Variants in SNRNP200 observed in about 807,000 individuals in gnomAD.
The protein encoded by SNRNP200 is U5 small nuclear ribonucleoprotein 200 kDa helicase.
SNRNP200 carries 66 observed loss-of-function variants against 255.2 expected under a neutral mutation model. The observed-to-expected ratio is 0.26, with a 90% CI of 0.21 to 0.32. SNRNP200 has a LOEUF of 0.32. SNRNP200 is among the 10% of genes least tolerant of loss of function. SNRNP200 has a pLI of 1.00. For missense variants in SNRNP200, 1,585 were observed against 2,749.8 expected (o/e 0.58, Z 9.47); for synonymous variants, 939 against 1,027.8 (o/e 0.91, Z 1.65).
rs773529003 is a variant in SNRNP200, at chr2:96,277,876, C to T, written c.5685G>A (p.Leu1895=). ...GCTGCATGCGAGACAAGTGAGCCTG[C>T]AGGAGCAGGTTGGTCTTGACGTGCG... ...NDPHVKTNLL[L]QAHLSRMQLS... The change falls in exon 40 of 45, where the codon CTG becomes CTA. Residue 1895 remains leucine (L), a synonymous_variant. Transcript: ENST00000323853. This position sits in a 1 kb window ranked among gnomAD's most constrained non-coding sequence, Gnocchi z 4.4. 1.2e-6 allele frequency: 2 copies of T among 1,614,240 alleles called. No individual in the cohort carries two copies. Among genetic ancestry groups the T allele is most frequent in the South Asian group, 2.2e-5 (2 of 91,090 alleles).
intron 2 of SNRNP200, 27 bp downstream of exon 2, chr2:96,304,677 GA>G (rs1368122075): frequency 6.2e-7 from 1 of 1,613,834 alleles, no homozygotes; most frequent in South Asian, 1.1e-5. Flanking sequence ...GGATCTGAAG[GA>G]AAAAATAGTA....
In SNRNP200 at chr2:96,297,072, TAGA is replaced by T. The variant is rs1282604312; in HGVS notation, c.1378-5_1378-3del. 1 of 1,614,192 alleles carries T rather than the reference TAGA, an allele frequency of 6.2e-7. No individual in the cohort carries two copies. On this transcript the variant is annotated splice_region_variant and splice_polypyrimidine_tract_variant and intron_variant, in intron 11 of 44. Transcript: ENST00000323853. ...CAGCTTTTCCACTGGAAGCAGTTGC[TAGA>T]AGAAAAGAAGTGCCATCAATATCAT...
chr2:96,282,015 CTA>C (rs1422640858), intron 34 of SNRNP200, 93 bp from the exon 35 acceptor site: 3 of 936,864 alleles, frequency 3.2e-6, no homozygotes, highest in East Asian at 2.6e-5. Flanking sequence ...TTACCCTGTG[CTA>C]TGTTTCAGAA....
Position 96,299,371 on chromosome 2 carries a change from C to T in SNRNP200, c.687G>A (p.Met229Ile). 2 of 1,614,146 alleles carry T rather than the reference C, an allele frequency of 1.2e-6. No homozygotes were observed. Among genetic ancestry groups the T allele is most frequent in the Non-Finnish European group, 1.7e-6 (2 of 1,180,042 alleles). Residue 229 changes from methionine (M) to isoleucine (I), a missense_variant, in exon 6 of 45, where the codon ATG becomes ATA. Met to Ile is a conservative substitution (Grantham distance 10). This residue lies in a region of SNRNP200 where 383 missense variants were observed against 645.3 expected (regional missense o/e 0.59). Coordinates refer to ENST00000323853, the MANE Select transcript of SNRNP200 (RefSeq NM_014014.5). ...AGCGCACGACAGCCTCGTCCCCTTC[C>T]ATGTCATCATCAGATGCCTCTTCTC... ...EVREEASDDDMEGDEAVVRCT... is the reference protein window; with the variant it reads ...EVREEASDDDIEGDEAVVRCT...
rs1318726396 is a variant in SNRNP200, at chr2:96,289,264, G to A, written c.3056C>T (p.Ser1019Leu). 3 of 1,614,228 alleles carry A rather than the reference G, an allele frequency of 1.9e-6. No homozygotes were observed. Among genetic ancestry groups the A allele is most frequent in the South Asian group, 1.1e-5 (1 of 91,082 alleles). ...GATGTTCTTGAACTCAGAGGACAATGAGAAGACCCTGAAAAGCTCAATCTC... is the reference window on the plus strand; with the variant it reads ...GATGTTCTTGAACTCAGAGGACAATAAGAAGACCCTGAAAAGCTCAATCTC... ...LSEIELFRVFSLSSEFKNITV... is the reference protein window; with the variant it reads ...LSEIELFRVFLLSSEFKNITV... The change falls in exon 22 of 45, where the codon TCA (serine) becomes TTA (leucine). Residue 1019 changes from serine to leucine, a missense_variant. Physicochemically the swap from Ser to Leu is moderately radical, Grantham distance 145. Transcript: ENST00000323853.
At position 96,290,226 on chromosome 2, in the gene SNRNP200, T is replaced by G; in HGVS notation, c.2742+100A>C. On this transcript the variant is annotated intron_variant, in intron 20 of 44. Coordinates refer to ENST00000323853, the MANE Select transcript of SNRNP200 (RefSeq NM_014014.5). The surrounding 1 kb of genome is among the most constrained non-coding windows in gnomAD (Gnocchi z 4.5). ...GATGTGGGTGCAGGGATGGAAGGCC[T>G]CGGACGCTGCTGGCCCGCAGCACAA... The G allele has an allele frequency of 7.5e-7, 1 of 1,337,090 alleles. No homozygotes were observed. The highest frequency in any genetic ancestry group is 1.7e-5 in the Admixed American group (1 of 59,666). 82.8% of individuals were successfully genotyped at this position (1,337,090 alleles called of 1,614,324 possible). A position where few individuals can be genotyped will look rare whatever the true frequency, so the allele number is the denominator to read the frequency against.
chr2:96,276,799 C>G, intron 43 of SNRNP200, 105 bp downstream of exon 43: 1 of 1,000,762 alleles, frequency 1.0e-6, no homozygotes, highest in Non-Finnish European at 1.6e-6. Flanking sequence ...AGCTGATTAT[C>G]AGTCTAAAGT....
In SNRNP200 at chr2:96,297,622, C is replaced by T. The variant is rs199944248; in HGVS notation, c.1203+15G>A. 8 of 1,614,214 alleles carry T rather than the reference C, an allele frequency of 5.0e-6. No homozygotes were observed. The highest frequency in any genetic ancestry group is 1.3e-5 in the African/African-American group (1 of 75,058). ...ATCCATCAAGGCCTGGGAAATAAAT[C>T]GCCCTGGATCCTACCTCTCCACCCT... On this transcript the variant is annotated intron_variant, in intron 10 of 44. Transcript: ENST00000323853.
chr2:96,294,232 G>A (rs760370176), intron 14 of SNRNP200, among the ~76,000 whole-genome samples: 1 of 151,370 alleles, frequency 6.6e-6, no homozygotes, highest in African/African-American at 2.4e-5. Context: ...CCAGGAGTTC[G>A]AGACCAGCCT....
chr2:96,278,275 T>C lies in SNRNP200; in HGVS notation c.5572A>G (p.Ile1858Val), dbSNP rs1684702754. 1 of 1,614,206 alleles carries C rather than the reference T, an allele frequency of 6.2e-7. No individual in the cohort carries two copies. Among genetic ancestry groups the C allele is most frequent in the African/African-American group, 1.3e-5 (1 of 75,048 alleles). The change falls in exon 39 of 45, where the codon ATT (isoleucine) becomes GTT (valine). Residue 1858 changes from isoleucine to valine, a missense_variant. By Grantham distance (29) the Ile-to-Val change is conservative. Transcript: ENST00000323853. This position sits in a 1 kb window ranked among gnomAD's most constrained non-coding sequence, Gnocchi z 6.9. Reference protein sequence around the residue: ...IISNAAEYENIPIRHHEDNLL... With the variant: ...IISNAAEYENVPIRHHEDNLL... ...TTGTCTTCATGGTGCCGGATGGGAA[T>C]GTTCTCATACTCTGCTGCATTGGAG...
Position 96,277,615 on chromosome 2 carries a change from G to C in SNRNP200, c.5855C>G (p.Ala1952Gly). 1 of 1,614,078 alleles carries C rather than the reference G, an allele frequency of 6.2e-7. No individual in the cohort carries two copies. The highest frequency in any genetic ancestry group is 1.1e-5 in the South Asian group (1 of 91,082). ...AMELAQMVTQ[A>G]MWSKDSYLKQ... ...CAGGTATGAGTCCTTGGACCACATG[G>C]CTTGGGTGACCATCTGGGCCAGTTC... Residue 1952 changes from alanine (A) to glycine (G), a missense_variant, in exon 41 of 45, where the codon GCC becomes GGC. Physicochemically the swap from Ala to Gly is moderately conservative, Grantham distance 60 (BLOSUM62 0). Around this residue, in one of 9 missense-constraint regions of SNRNP200, gnomAD observed 279 missense variants for 551.2 expected, o/e 0.51. Coordinates refer to ENST00000323853, the MANE Select transcript of SNRNP200 (RefSeq NM_014014.5). The surrounding 1 kb of genome is among the most constrained non-coding windows in gnomAD (Gnocchi z 4.4).
rs1323243822 is a variant in SNRNP200, at chr2:96,284,568, G to A, written c.4182C>T (p.Tyr1394=). 2.5e-6 allele frequency: 4 copies of A among 1,613,806 alleles called. No individual in the cohort carries two copies. The highest frequency in any genetic ancestry group is 2.2e-5 in the East Asian group (1 of 44,872). The change falls in exon 31 of 45, where the codon TAC becomes TAT. Residue 1394 remains tyrosine (Y), a synonymous_variant. Transcript: ENST00000323853. ...TGTTGAGCCTGTCCTGGAACTTCTC[G>A]TACCAGTCCATGTATACCTGGCGGG... ...ALAEQVYMDW[Y]EKFQDRLNKK... is the part of the protein sequence containing the mutation.
chr2:96,289,265 A>G lies in SNRNP200; in HGVS notation c.3055T>C (p.Ser1019Pro). ...ATGTTCTTGAACTCAGAGGACAATG[A>G]GAAGACCCTGAAAAGCTCAATCTCA... Reference protein sequence around the residue: ...LSEIELFRVFSLSSEFKNITV... With the variant: ...LSEIELFRVFPLSSEFKNITV... Residue 1019 changes from serine to proline, a missense_variant, in exon 22 of 45, where the codon TCA becomes CCA. Around this residue, in one of 9 missense-constraint regions of SNRNP200, gnomAD observed 719 missense variants for 1,091.1 expected, o/e 0.66. Coordinates refer to ENST00000323853, the MANE Select transcript of SNRNP200 (RefSeq NM_014014.5). 1 of 1,614,236 alleles carries G rather than the reference A, an allele frequency of 6.2e-7. No homozygotes were observed. The highest frequency in any genetic ancestry group is 8.5e-7 in the Non-Finnish European group (1 of 1,180,040).
rs758081322 is a variant in SNRNP200 at position 96,304,881 on chromosome 2, A to G, written c.46-13T>C. On this transcript the variant is annotated splice_polypyrimidine_tract_variant and intron_variant, in intron 1 of 44. Coordinates refer to ENST00000323853, the MANE Select transcript of SNRNP200 (RefSeq NM_014014.5). The stretch of plus-strand genomic sequence containing the variant: ...CAAGATTCGAGTTCTGAAAAGATCA[A>G]AACATTATTGAAGCTTTGACATGAG... 2 of 1,613,570 alleles carry G rather than the reference A, an allele frequency of 1.2e-6. No individual in the cohort carries two copies. Among genetic ancestry groups the G allele is most frequent in the Non-Finnish European group, 1.7e-6 (2 of 1,179,714 alleles).
At chr2:96,300,766 A>C (rs2063947441) in intron 5 of SNRNP200, among the ~76,000 whole-genome samples, 1 of 152,212 alleles carries the variant, frequency 6.6e-6, no homozygotes, top group South Asian at 2.1e-4. Context: ...CCGTCTCAAA[A>C]AAAAAAAAAT....
In SNRNP200 at chr2:96,283,693, T is replaced by C. The variant is rs933754467; in HGVS notation, c.4605A>G (p.Thr1535=). Reference sequence around the variant, plus strand: ...TGGCCATGGAGAGCAGGCGGGTTTGTGTATGGCTGATGTTGAAGCCCTGGC... The same window carrying C: ...TGGCCATGGAGAGCAGGCGGGTTTGCGTATGGCTGATGTTGAAGCCCTGGC... ...LHIQGFNISH[T]QTRLLSMAKP... Residue 1535 remains threonine (T), a synonymous_variant, in exon 33 of 45, where the codon ACA becomes ACG. Transcript: ENST00000323853. This position sits in a 1 kb window ranked among gnomAD's most constrained non-coding sequence, Gnocchi z 4.7. The C allele has an allele frequency of 2.5e-6, 4 of 1,614,064 alleles. No homozygotes were observed. Among genetic ancestry groups the C allele is most frequent in the Non-Finnish European group, 2.5e-6 (3 of 1,180,030 alleles).
chr2:96,275,353 C>T lies in SNRNP200; in HGVS notation c.6175-4G>A, dbSNP rs775843943. The T allele has an allele frequency of 1.2e-6, 2 of 1,612,624 alleles. No homozygotes were observed. The highest frequency in any genetic ancestry group is 2.2e-5 in the East Asian group (1 of 44,882). On this transcript the variant is annotated splice_polypyrimidine_tract_variant and splice_region_variant and intron_variant, in intron 43 of 44. Coordinates refer to ENST00000323853, the MANE Select transcript of SNRNP200 (RefSeq NM_014014.5). ...CCCACCAGCCCTCTTCACGTTTCTG[C>T]AGTGATCCAAAACCAAGAATTTCAG...
rs1210512827 is a variant in SNRNP200 at position 96,287,901 on chromosome 2, G to A, written c.3327C>T (p.Asp1109=). 1 of 1,614,238 alleles carries A rather than the reference G, an allele frequency of 6.2e-7. No homozygotes were observed. Among genetic ancestry groups the A allele is most frequent in the Non-Finnish European group, 8.5e-7 (1 of 1,180,044 alleles). ...VLNRGWAQLT[D]KTLNLCKMID... Reference sequence around the variant, plus strand: ...TCATCTTGCAGAGGTTCAGGGTCTTGTCTGTAAGCTGTGCCCAACCTCGGT... The same window carrying A: ...TCATCTTGCAGAGGTTCAGGGTCTTATCTGTAAGCTGTGCCCAACCTCGGT... The change falls in exon 25 of 45, where the codon GAC becomes GAT. Residue 1109 remains aspartate, a synonymous_variant. Coordinates refer to ENST00000323853, the MANE Select transcript of SNRNP200 (RefSeq NM_014014.5). The surrounding 1 kb of genome is among the most constrained non-coding windows in gnomAD (Gnocchi z 5.7).
Position 96,283,683 on chromosome 2 carries a change from G to A in SNRNP200, c.4615C>T (p.Leu1539=). 6.2e-7 allele frequency: 1 copy of A among 1,614,144 alleles called. No individual in the cohort carries two copies. Among genetic ancestry groups the A allele is most frequent in the Non-Finnish European group, 8.5e-7 (1 of 1,180,040 alleles). The change falls in exon 33 of 45, where the codon CTG becomes TTG. Residue 1539 remains leucine (L), a synonymous_variant. Transcript: ENST00000323853. This position sits in a 1 kb window ranked among gnomAD's most constrained non-coding sequence, Gnocchi z 4.7. The part of the protein sequence containing the change: ...GFNISHTQTR[L]LSMAKPVYHA... Reference sequence around the variant, plus strand: ...TACACAGGCTTGGCCATGGAGAGCAGGCGGGTTTGTGTATGGCTGATGTTG... The same window carrying A: ...TACACAGGCTTGGCCATGGAGAGCAAGCGGGTTTGTGTATGGCTGATGTTG...
Sources: gnomAD v4.1 joint callset for allele counts (sites outside exome capture counted in the v4.1 genomes callset) on GRCh38, gnomAD v4.1.1 for gene constraint, gnomAD v4.1.1 regional missense constraint, Gnocchi (gnomAD v3.1) non-coding constraint, MANE v1.5 for transcripts, NCBI Gene and HGNC (gene_info 2026-07-23, HGNC 2026-07-21) for gene names.